XPR1: variants seen among roughly 807,000 people sequenced by gnomAD.
The protein encoded by XPR1 is solute carrier family 53 member 1.
Under a neutral mutation model 87.5 loss-of-function variants are expected in XPR1, and 28 were observed. The observed-to-expected ratio is 0.32, with a 90% CI of 0.24 to 0.44. XPR1 has a LOEUF of 0.44. Ranked by LOEUF, XPR1 falls within the 20% of genes least tolerant of loss-of-function variation. The pLI is 1.00. For missense variants in XPR1, 559 were observed against 862.3 expected (o/e 0.65, Z 4.41); for synonymous variants, 300 against 306.1 (o/e 0.98, Z 0.21).
At chr1:180,641,627 G>A (rs1654964584) in intron 1 of XPR1, among the ~76,000 whole-genome samples, 2 of 152,044 alleles carry the variant, frequency 1.3e-5, no homozygotes, top group Non-Finnish European at 2.9e-5. Flanking sequence ...ATGTCTGAAT[G>A]GCTTAAGTGA....
intron 2 of XPR1, among the ~76,000 whole-genome samples, chr1:180,748,855 G>A (rs774111293): frequency 9.9e-5 from 15 of 152,138 alleles, no homozygotes; most frequent in South Asian, 2.1e-4. Context: ...ACGGAAATTG[G>A]CAAATATGCA....
intron 7 of XPR1, among the ~76,000 whole-genome samples, chr1:180,813,132 T>G (rs1404065508): frequency 6.6e-6 from 1 of 151,680 alleles, no homozygotes; most frequent in Non-Finnish European, 1.5e-5. Flanking sequence ...TCCTTGCCAT[T>G]GCCTGCAAGA....
chr1:180,813,986 A>G (rs899446505), intron 7 of XPR1, among the ~76,000 whole-genome samples: 1 of 152,204 alleles, frequency 6.6e-6, no homozygotes, highest in African/African-American at 2.4e-5. Context: ...AGGAAGCTTT[A>G]TGTCACTGTC....
chr1:180,835,765 A>C (rs572496507), intron 10 of XPR1, among the ~76,000 whole-genome samples: 23 of 152,194 alleles, frequency 1.5e-4, no homozygotes, highest in African/African-American at 5.5e-4. Context: ...AAAAGAGGGG[A>C]GGTGGGTGTA....
intron 11 of XPR1, among the ~76,000 whole-genome samples, chr1:180,854,471 A>G (rs1227308102): frequency 6.6e-6 from 1 of 152,194 alleles, no homozygotes; most frequent in African/African-American, 2.4e-5. Context: ...GTGAAGTGAA[A>G]TTCGGCTCTT....
intron 2 of XPR1, among the ~76,000 whole-genome samples, chr1:180,754,251 CTAATT>C (rs1647640277): frequency 6.6e-6 from 1 of 152,074 alleles, no homozygotes; most frequent in Non-Finnish European, 1.5e-5. Context: ...TTCTCTGTCT[CTAATT>C]TATTTGTTGT....
At chr1:180,695,448 G>A (rs1024018873) in intron 2 of XPR1, among the ~76,000 whole-genome samples, 31 of 129,738 alleles carry the variant, frequency 2.4e-4, no homozygotes, top group African/African-American at 7.8e-4. Flanking sequence ...GTGTATGCGC[G>A]CGCACGCGCG....
At chr1:180,758,868 A>G (rs1014049672) in intron 2 of XPR1, 3 of 152,426 alleles carry the variant, frequency 2.0e-5, no homozygotes, top group African/African-American at 7.2e-5. Context: ...AGTTGGAAGT[A>G]AAGCACTCCT....
chr1:180,801,166 C>G (rs753980045), intron 3 of XPR1, among the ~76,000 whole-genome samples: 1 of 152,200 alleles, frequency 6.6e-6, no homozygotes, highest in Admixed American at 6.5e-5. Context: ...ATTGAATGTG[C>G]ATTGCAATCA....
Position 180,833,289 on chromosome 1 carries a change from G to T in XPR1, c.1135-1585G>T, listed in dbSNP as rs555444823. ...ATCAATTAATGGGCAAAATAACTAG[G>T]TAGTGTCATAATGACAGCATCAAAT... On this transcript the variant is annotated intron_variant, in intron 9 of 14. Transcript: ENST00000367590. Among the ~76,000 whole-genome samples the T allele has an allele frequency of 2.0e-4, 31 of 152,250 alleles. No homozygotes were observed. The South Asian group carries it at 6.2e-3, about 31-fold the overall frequency.
chr1:180,653,204 G>A (rs1158274954), intron 1 of XPR1, among the ~76,000 whole-genome samples: 4 of 152,084 alleles, frequency 2.6e-5, no homozygotes. Flanking sequence ...ACAGATACAA[G>A]GCTAACCTGT....
chr1:180,823,511 C>T (rs1650714141), intron 7 of XPR1, among the ~76,000 whole-genome samples: 1 of 152,040 alleles, frequency 6.6e-6, no homozygotes, highest in African/African-American at 2.4e-5. Flanking sequence ...GAAAAACAAA[C>T]TTATTAAAAG....
intron 2 of XPR1, among the ~76,000 whole-genome samples, chr1:180,690,009 AGC>A (rs1026648420): frequency 6.6e-6 from 1 of 152,124 alleles, no homozygotes; most frequent in Non-Finnish European, 1.5e-5. Flanking sequence ...TACAAAAATT[AGC>A]TGGGTGTGGT....
At position 180,824,592 on chromosome 1, in the gene XPR1, G is replaced by GTAGA. The variant is rs547917798; in HGVS notation, c.764-143_764-140dup. On this transcript the variant is annotated intron_variant, in intron 7 of 14. Transcript: ENST00000367590. ...GAGACTGTCTCAAAAAAATAAATAG[G>GTAGA]TAGATAGATAGATAGATAGATGATA... 4.2e-3 allele frequency among the ~76,000 whole-genome samples: 631 copies of GTAGA among 149,848 alleles called. 4 individuals carry two copies. The highest frequency in any genetic ancestry group is 6.2e-3 in the Non-Finnish European group (418 of 67,942).
intron 9 of XPR1, among the ~76,000 whole-genome samples, chr1:180,831,599 A>G (rs975135394): frequency 9.0e-5 from 10 of 111,312 alleles, no homozygotes; most frequent in Non-Finnish European, 1.3e-4. Flanking sequence ...CCCCATGTCC[A>G]TATGTTCTCT....
chr1:180,796,329 T>G (rs1233613553), intron 3 of XPR1, among the ~76,000 whole-genome samples: 1 of 152,194 alleles, frequency 6.6e-6, no homozygotes, highest in Non-Finnish European at 1.5e-5. Flanking sequence ...TATACCCCTT[T>G]GATAGATATG....
At chr1:180,809,334 C>T (rs948849936) in intron 6 of XPR1, among the ~76,000 whole-genome samples, 5 of 152,084 alleles carry the variant, frequency 3.3e-5, no homozygotes, top group African/African-American at 1.2e-4. Flanking sequence ...TGTTCTTTGT[C>T]TTGATTATGC....
At chr1:180,709,890 T>G (rs1294829818) in intron 2 of XPR1, among the ~76,000 whole-genome samples, 14 of 50,062 alleles carry the variant, frequency 2.8e-4, no homozygotes, top group East Asian at 1.1e-3. Flanking sequence ...TTTTGAGGGT[T>G]TTTTTTTTTT....
Position 180,806,455 on chromosome 1 carries a change from T to C in XPR1, c.598-19T>C. ...AGTTTAGTATAACCTAACCAAAATG[T>C]AATAATTTGTCTTTCTAGGCTGTAG... On this transcript the variant is annotated intron_variant, in intron 5 of 14. Coordinates refer to ENST00000367590, the MANE Select transcript of XPR1 (RefSeq NM_004736.4). The C allele has an allele frequency of 6.2e-7, 1 of 1,611,368 alleles. No individual in the cohort carries two copies. The highest frequency in any genetic ancestry group is 8.5e-7 in the Non-Finnish European group (1 of 1,178,062).
Sources: gnomAD v4.1 joint callset for allele counts (sites outside exome capture counted in the v4.1 genomes callset) on GRCh38, gnomAD v4.1.1 for gene constraint, MANE v1.5 for transcripts, NCBI Gene and HGNC (gene_info 2026-07-23, HGNC 2026-07-21) for gene names.